The following SYT1 variants were observed in gnomAD, a reference collection of about 807,000 sequenced individuals.
The protein encoded by SYT1 is synaptotagmin-1.
A neutral mutation model predicts 44.8 loss-of-function variants in SYT1; 8 were observed. The ratio of observed to expected loss-of-function variants is 0.18; its 90% CI spans 0.10 to 0.32. The LOEUF is 0.32. SYT1 is among the 10% of genes least tolerant of loss of function. The pLI, the probability that SYT1 is intolerant of heterozygous loss-of-function variation, is 1.00. For synonymous variants in SYT1, 154 were observed against 188.8 expected (o/e 0.82, Z 1.51); for missense variants, 286 against 509.3 (o/e 0.56, Z 4.22).
At chr12:78,910,317 C>T (rs757999567) in intron 1 of SYT1, among the ~76,000 whole-genome samples, 29 of 151,898 alleles carry the variant, frequency 1.9e-4, no homozygotes, top group Non-Finnish European at 4.1e-4. Context: ...ACCTCCTTGC[C>T]TAGTTCTTAT....
intron 1 of SYT1, among the ~76,000 whole-genome samples, chr12:78,919,294 TA>T (rs1876847454): frequency 1.3e-5 from 2 of 151,988 alleles, no homozygotes; most frequent in African/African-American, 4.8e-5. Context: ...AGAAGGCTAT[TA>T]AAGAACTCCT....
intron 9 of SYT1, among the ~76,000 whole-genome samples, chr12:79,411,239 G>A (rs1168950641): frequency 6.6e-6 from 1 of 152,130 alleles, no homozygotes; most frequent in African/African-American, 2.4e-5. Context: ...TGGCACATGA[G>A]GCTCCAGACA....
At chr12:79,027,976 T>C (rs570419187) in intron 2 of SYT1, among the ~76,000 whole-genome samples, 2 of 151,650 alleles carry the variant, frequency 1.3e-5, no homozygotes, top group East Asian at 3.9e-4. Context: ...TGTCTCTTTA[T>C]GCAGTCATAT....
intron 2 of SYT1, among the ~76,000 whole-genome samples, chr12:79,033,630 G>A (rs905387493): frequency 3.3e-5 from 5 of 151,276 alleles, no homozygotes; most frequent in Non-Finnish European, 4.4e-5. Flanking sequence ...CTAGAGTCTA[G>A]TATTCTGAAA....
At chr12:79,178,518 TTTTTG>T (rs1223784050) in intron 3 of SYT1, among the ~76,000 whole-genome samples, 1 of 151,998 alleles carries the variant, frequency 6.6e-6, no homozygotes, top group East Asian at 1.9e-4. Context: ...AGACATTTGT[TTTTTG>T]TTTTGTTTTG....
chr12:79,434,035 G>C (rs1364536403), intron 9 of SYT1, among the ~76,000 whole-genome samples: 1 of 152,180 alleles, frequency 6.6e-6, no homozygotes, highest in Non-Finnish European at 1.5e-5. Context: ...GGAAATGACT[G>C]TTGGAATTCA....
chr12:79,116,493 T>A (rs553455201), intron 3 of SYT1, among the ~76,000 whole-genome samples: 28 of 152,316 alleles, frequency 1.8e-4, no homozygotes, highest in Admixed American at 1.7e-3. Flanking sequence ...CTCTCTTATT[T>A]GTGTCTTATT....
chr12:79,039,756 A>G (rs978777837), intron 2 of SYT1, among the ~76,000 whole-genome samples: 7 of 146,288 alleles, frequency 4.8e-5, no homozygotes, highest in South Asian at 2.3e-4. Flanking sequence ...ATATCTCCCA[A>G]TGCTATCCCT....
Position 79,179,551 on chromosome 12 carries a change from A to AGATATATAGATATATAGATATG in SYT1, c.-17-37946_-17-37945insTAGATATATAGATATGGATATA, listed in dbSNP as rs1565842606. Among the ~76,000 whole-genome samples the AGATATATAGATATATAGATATG allele has an allele frequency of 1.2e-3, 163 of 134,724 alleles. 6 individuals carry two copies. The Middle Eastern group carries it at 0.021, about 17-fold the overall frequency. 88.4% of individuals were successfully genotyped at this position (134,724 alleles called of 152,430 possible). A position where few individuals can be genotyped will look rare whatever the true frequency, so the allele number is the denominator to read the frequency against. ...GATATAGATATAGATATAGAGATATAGATATAGATTTAGATATATAGATAT... is the reference window on the plus strand; with the variant it reads ...GATATAGATATAGATATAGAGATATAGATATATAGATATATAGATATGGATATAGATTTAGATATATAGATAT... On this transcript the variant is annotated intron_variant, in intron 3 of 10. Transcript: ENST00000261205.
intron 9 of SYT1, among the ~76,000 whole-genome samples, chr12:79,375,277 G>A (rs1351545492): frequency 6.6e-6 from 1 of 152,070 alleles, no homozygotes; most frequent in Non-Finnish European, 1.5e-5. Flanking sequence ...TTTCGTGGGC[G>A]CTTCCTGGAG....
intron 2 of SYT1, among the ~76,000 whole-genome samples, chr12:78,991,105 A>C (rs1161432052): frequency 6.6e-6 from 1 of 152,168 alleles, no homozygotes. Context: ...AATGACATGA[A>C]AATCATGAGA....
intron 2 of SYT1, among the ~76,000 whole-genome samples, chr12:78,984,199 C>T (rs1164866389): frequency 1.3e-5 from 2 of 151,550 alleles, no homozygotes; most frequent in African/African-American, 4.8e-5. Flanking sequence ...TAAAACTTCT[C>T]AAAACAATTA....
At chr12:78,896,404 G>A (rs1875358919) in intron 1 of SYT1, among the ~76,000 whole-genome samples, 1 of 151,682 alleles carries the variant, frequency 6.6e-6, no homozygotes, top group Non-Finnish European at 1.5e-5. Context: ...AAATATTTTA[G>A]CTACCCTTTT....
At chr12:79,203,565 A>G (rs1019273053) in intron 3 of SYT1, among the ~76,000 whole-genome samples, 1 of 152,206 alleles carries the variant, frequency 6.6e-6, no homozygotes, top group Admixed American at 6.5e-5. Context: ...TGATCAACAT[A>G]TAGACTAATA....
intron 2 of SYT1, among the ~76,000 whole-genome samples, chr12:79,012,641 G>A: frequency 6.6e-6 from 1 of 152,106 alleles, no homozygotes; most frequent in East Asian, 1.9e-4. Context: ...CTTTCAAAAA[G>A]AGCTGAAGGG....
intron 4 of SYT1, among the ~76,000 whole-genome samples, chr12:79,249,919 C>T (rs1305077357): frequency 6.6e-6 from 1 of 151,962 alleles, no homozygotes; most frequent in Non-Finnish European, 1.5e-5. Flanking sequence ...ATTAAGAAAG[C>T]TAGAACTCCT....
chr12:79,441,595 A>G (rs191934602), intron 9 of SYT1, among the ~76,000 whole-genome samples: 61 of 152,242 alleles, frequency 4.0e-4, no homozygotes, highest in Non-Finnish European at 1.6e-4. Flanking sequence ...GATTACAGGT[A>G]TGAGCCACTG....
intron 1 of SYT1, chr12:78,868,870 T>A (rs1034733402): frequency 2.0e-4 from 30 of 151,926 alleles, no homozygotes; most frequent in African/African-American, 6.7e-4. Flanking sequence ...GTATCATGAT[T>A]GAAAAAACTC....
chr12:79,044,953 A>C (rs547848718), intron 2 of SYT1, among the ~76,000 whole-genome samples: 158 of 152,122 alleles, frequency 1.0e-3, no homozygotes, highest in Middle Eastern at 3.4e-3. Flanking sequence ...GGTCAGGGAC[A>C]CACTTGAGGA....
Sources: gnomAD v4.1 joint callset for allele counts (sites outside exome capture counted in the v4.1 genomes callset) on GRCh38, gnomAD v4.1.1 for gene constraint, MANE v1.5 for transcripts, NCBI Gene and HGNC (gene_info 2026-07-23, HGNC 2026-07-21) for gene names.